The following SYCP2 variants were observed in gnomAD, a reference collection of about 807,000 sequenced individuals.
The protein encoded by SYCP2 is synaptonemal complex protein 2.
Under a neutral mutation model 211.3 loss-of-function variants are expected in SYCP2, and 55 were observed. The observed-to-expected ratio is 0.26, with a 90% CI of 0.21 to 0.33. The LOEUF (loss-of-function observed/expected upper bound fraction) is 0.33, where lower values mean the gene tolerates loss of function less well. Among genes scored for constraint, SYCP2 ranks in the 10% least tolerant of loss-of-function variants. The pLI, the probability that SYCP2 is intolerant of heterozygous loss-of-function variation, is 1.00. For missense variants in SYCP2, 1,731 were observed against 1,752.0 expected (o/e 0.99, Z 0.21); for synonymous variants, 570 against 555.2 (o/e 1.03, Z -0.37).
In SYCP2 at chr20:59,875,312, C is replaced by A. The variant is rs779951325; in HGVS notation, c.3308G>T (p.Arg1103Ile). 5 of 1,610,312 alleles carry A rather than the reference C, an allele frequency of 3.1e-6. No individual in the cohort carries two copies. In the East Asian group the frequency reaches 1.1e-4, roughly 36 times the overall value. ...IRDNCLDLSP[R>I]SLSGSPSSIE... ...AGATGATGGACTGCCAGATAAAGAT[C>A]TGGGAGATAAGTCAAGGCAATTATC... is the stretch of plus-strand genomic sequence containing the variant. Residue 1103 changes from arginine to isoleucine, a missense_variant, in exon 34 of 45, where the codon AGA becomes ATA. By Grantham distance (97) the Arg-to-Ile change is moderately conservative. Coordinates refer to ENST00000357552, the MANE Select transcript of SYCP2 (RefSeq NM_014258.4).
chr20:59,891,917 G>GTTTC, intron 24 of SYCP2, 73 bp downstream of exon 24: 1 of 1,308,232 alleles, frequency 7.6e-7, no homozygotes, highest in Non-Finnish European at 1.0e-6. Flanking sequence ...AATTAATCAA[G>GTTTC]TTTCTTTCTT....
chr20:59,911,516 TA>T (rs2060326315), intron 14 of SYCP2, among the ~76,000 whole-genome samples: 1 of 152,170 alleles, frequency 6.6e-6, no homozygotes, highest in South Asian at 2.1e-4. Context: ...AAGCTTATGT[TA>T]AAAAATGAGC....
intron 39 of SYCP2, among the ~76,000 whole-genome samples, chr20:59,867,169 T>TA (rs1333803715): frequency 6.7e-5 from 4 of 59,616 alleles, no homozygotes; most frequent in African/African-American, 1.0e-4. Flanking sequence ...AAGGAGGGCA[T>TA]AAAAAACTAA....
chr20:59,920,520 A>C (rs1428953387), intron 4 of SYCP2, 33 bp from the exon 5 acceptor site: 1 of 1,494,098 alleles, frequency 6.7e-7, no homozygotes. Flanking sequence ...AAATTTCTGT[A>C]AACACAAAAC....
intron 26 of SYCP2, among the ~76,000 whole-genome samples, chr20:59,882,942 T>A (rs1175365962): frequency 2.6e-5 from 4 of 152,190 alleles, no homozygotes; most frequent in Admixed American, 1.3e-4. Context: ...TGTGCATTTT[T>A]AAATATTTTT....
rs145289464 is a variant in SYCP2 at position 59,931,863 on chromosome 20, T to C, written c.-47+199A>G. ...CACAATAGAGTCAAAAGCACAGCACTATCCACAACATCAAACAAGTTAACA... is the reference window on the plus strand; with the variant it reads ...CACAATAGAGTCAAAAGCACAGCACCATCCACAACATCAAACAAGTTAACA... On this transcript the variant is annotated intron_variant, in intron 2 of 44. Transcript: ENST00000357552. 4.8e-3 allele frequency among the ~76,000 whole-genome samples: 729 copies of C among 152,208 alleles called. 2 individuals carry two copies. The highest frequency in any genetic ancestry group is 0.02 in the Middle Eastern group (6 of 294).
chr20:59,910,640 C>T (rs551418031), intron 14 of SYCP2, among the ~76,000 whole-genome samples: 4 of 151,810 alleles, frequency 2.6e-5, no homozygotes, highest in Admixed American at 2.6e-4. Flanking sequence ...AATAAAGGAA[C>T]ACTGCCCTAT....
At chr20:59,908,073 C>T (rs552840148) in intron 14 of SYCP2, among the ~76,000 whole-genome samples, 2 of 151,962 alleles carry the variant, frequency 1.3e-5, no homozygotes, top group Admixed American at 6.6e-5. Context: ...GGTGAAACCC[C>T]GTCTCTACTA....
chr20:59,867,014 C>CAAAAAAAA (rs779891839), intron 39 of SYCP2, among the ~76,000 whole-genome samples: 6 of 60,390 alleles, frequency 9.9e-5, no homozygotes, highest in Admixed American at 2.4e-4. Context: ...GGCCTTGGGC[C>CAAAAAAAA]AAAAAAAAAA....
intron 15 of SYCP2, among the ~76,000 whole-genome samples, chr20:59,904,865 T>C (rs1392653107): frequency 6.6e-6 from 1 of 152,046 alleles, no homozygotes; most frequent in Admixed American, 6.6e-5. Context: ...AGTAGGCATA[T>C]CACATGGCAA....
intron 32 of SYCP2, 100 bp downstream of exon 32, chr20:59,877,908 A>T (rs528440772): frequency 1.1e-6 from 1 of 951,190 alleles, no homozygotes; most frequent in Middle Eastern, 2.3e-4. Context: ...TAAAACACAT[A>T]ACTGATAACA....
intron 3 of SYCP2, among the ~76,000 whole-genome samples, chr20:59,922,140 C>T (rs541913330): frequency 1.2e-4 from 18 of 151,644 alleles, no homozygotes; most frequent in African/African-American, 4.1e-4. Flanking sequence ...TGAATCAGTG[C>T]ATAATTCTTT....
intron 33 of SYCP2, among the ~76,000 whole-genome samples, chr20:59,875,827 A>C (rs2059543837): frequency 6.6e-6 from 1 of 152,142 alleles, no homozygotes; most frequent in Non-Finnish European, 1.5e-5. Context: ...CATACTGCGA[A>C]TAGAGAAGAC....
Position 59,865,409 on chromosome 20 carries a change from T to C in SYCP2, c.4494A>G (p.Gln1498=), listed in dbSNP as rs1277840598. 6.2e-7 allele frequency: 1 copy of C among 1,610,318 alleles called. No individual in the cohort carries two copies. The highest frequency in any genetic ancestry group is 2.2e-5 in the East Asian group (1 of 44,692). The part of the protein sequence containing the change: ...CLMKEDMKVL[Q]DRLLKDMLEE... ...TTACCATGTCCTTAAGAAGCCTGTCTTGCAGCACTTTCATATCTTCTTTCA... is the reference window on the plus strand; with the variant it reads ...TTACCATGTCCTTAAGAAGCCTGTCCTGCAGCACTTTCATATCTTCTTTCA... Residue 1498 remains glutamine, a synonymous_variant, in exon 44 of 45, where the codon CAA becomes CAG. Coordinates refer to ENST00000357552, the MANE Select transcript of SYCP2 (RefSeq NM_014258.4).
At chr20:59,892,860 C>T (rs1273049462) in intron 22 of SYCP2, among the ~76,000 whole-genome samples, 159 bp from the exon 23 acceptor site, 1 of 151,780 alleles carries the variant, frequency 6.6e-6, no homozygotes, top group African/African-American at 2.4e-5. Flanking sequence ...ATTTATATTT[C>T]TACACATTAA....
chr20:59,884,557 C>A (rs2059749829), intron 26 of SYCP2, among the ~76,000 whole-genome samples: 1 of 151,928 alleles, frequency 6.6e-6, no homozygotes, highest in Non-Finnish European at 1.5e-5. Flanking sequence ...TCTTCAATTT[C>A]TTTCCGTTAT....
chr20:59,865,894 T>G, intron 41 of SYCP2, 29 bp from the exon 42 acceptor site: 1 of 1,012,586 alleles, frequency 9.9e-7, no homozygotes, highest in Non-Finnish European at 1.4e-6. Context: ...TTTTATTTAG[T>G]CCTAAATATT....
chr20:59,923,369 C>G (rs1289599061), intron 2 of SYCP2, among the ~76,000 whole-genome samples: 1 of 151,712 alleles, frequency 6.6e-6, no homozygotes, highest in Non-Finnish European at 1.5e-5. Context: ...ATTTGCCTGT[C>G]TTTTTTGGAA....
At position 59,873,294 on chromosome 20, in the gene SYCP2, G is replaced by A. The variant is rs376130833; in HGVS notation, c.3555+562C>T. Among the ~76,000 whole-genome samples, 12 of 152,194 alleles carry A rather than the reference G, an allele frequency of 7.9e-5. No individual in the cohort carries two copies. In the South Asian group the frequency reaches 8.3e-4, roughly 11 times the overall value. ...AGCATCAATACTCTTGCCCTTTGGC[G>A]GTATTGTTAAGTAAAATAAGGGTTA... On this transcript the variant is annotated intron_variant, in intron 35 of 44. Transcript: ENST00000357552.
Sources: gnomAD v4.1 joint callset for allele counts (sites outside exome capture counted in the v4.1 genomes callset) on GRCh38, gnomAD v4.1.1 for gene constraint, MANE v1.5 for transcripts, NCBI Gene and HGNC (gene_info 2026-07-23, HGNC 2026-07-21) for gene names.